POLR1C: variants seen among roughly 807,000 people sequenced by gnomAD.
POLR1C encodes the protein DNA-directed RNA polymerases I and III subunit RPAC1.
Under a neutral mutation model 38.3 loss-of-function variants are expected in POLR1C, and 42 were observed. The observed-to-expected ratio is 1.10, with a 90% confidence interval of 0.86 to 1.42. The LOEUF is 1.42. Among genes scored for constraint, POLR1C ranks in the 40% most tolerant of loss-of-function variants. The pLI is 0.00. For synonymous variants in POLR1C, 163 were observed against 163.9 expected, an observed-to-expected ratio of 0.99 and a Z score of 0.04; for missense variants, 507 against 450.5, an observed-to-expected ratio of 1.13 and a Z score of -1.14.
intron 9 of POLR1C, among the ~76,000 whole-genome samples, chr6:43,546,086 G>A (rs1794951658): frequency 6.6e-6 from 1 of 152,116 alleles, no homozygotes; most frequent in Non-Finnish European, 1.5e-5. Context: ...AAACTCAGAT[G>A]AAAAATTTAT....
downstream of POLR1C, chr6:43,523,757 G>A: frequency 6.4e-7 from 1 of 1,554,306 alleles, no homozygotes; most frequent in Admixed American, 1.7e-5. Context: ...CTCTTTCCAG[G>A]CTGACAGTGG....
Position 43,520,394 on chromosome 6 carries a change from A to G in POLR1C, c.622A>G (p.Ile208Val), listed in dbSNP as rs753503571. The change falls in exon 6 of 9, where the codon ATT becomes GTT. Residue 208 changes from isoleucine (I) to valine (V), a missense_variant. Coordinates refer to ENST00000642195, the MANE Select transcript of POLR1C (RefSeq NM_203290.4). Reference sequence around the variant, plus strand: ...CGCTCAGCTGCGGCCTGGCCAAGAAATTGACCTGCTCATGCACTGTGTCAA... The same window carrying G: ...CGCTCAGCTGCGGCCTGGCCAAGAAGTTGACCTGCTCATGCACTGTGTCAA... ...LIAQLRPGQEIDLLMHCVKGI... is the reference protein window; with the variant it reads ...LIAQLRPGQEVDLLMHCVKGI... 3.7e-6 allele frequency: 6 copies of G among 1,613,868 alleles called. No homozygotes were observed. The South Asian group carries it at 6.6e-5, about 18-fold the overall frequency.
chr6:43,549,324 A>T (rs1400299564), intron 9 of POLR1C, among the ~76,000 whole-genome samples: 1 of 152,190 alleles, frequency 6.6e-6, no homozygotes, highest in African/African-American at 2.4e-5. Flanking sequence ...TCAGTCTCCC[A>T]AAGTGTTGGG....
intron 9 of POLR1C, chr6:43,547,675 T>G (rs377740264): frequency 1.9e-5 from 31 of 1,613,864 alleles, no homozygotes; most frequent in Non-Finnish European, 2.5e-5. Context: ...TGTACCCACA[T>G]ACGCAATGAA....
intron 10 of POLR1C, among the ~76,000 whole-genome samples, chr6:43,557,768 G>C (rs1465647350): frequency 9.4e-6 from 1 of 106,164 alleles, no homozygotes; most frequent in Non-Finnish European, 1.8e-5. Context: ...AATGAATTTT[G>C]TCTCAATAAA....
At chr6:43,526,152 A>G, downstream of POLR1C, 1 of 524,004 alleles carries the variant, frequency 1.9e-6, no homozygotes, top group Non-Finnish European at 3.4e-6. Flanking sequence ...GCAGAAACAC[A>G]AAATGCTGCA....
chr6:43,533,055 A>T (rs1291172180), downstream of POLR1C, among the ~76,000 whole-genome samples: 1 of 152,138 alleles, frequency 6.6e-6, no homozygotes, highest in Non-Finnish European at 1.5e-5. Context: ...GAATCACTTG[A>T]ACCTGGAAGG....
intron 10 of POLR1C, chr6:43,555,985 G>A (rs1335683531): frequency 1.2e-6 from 2 of 1,612,710 alleles, no homozygotes; most frequent in Admixed American, 1.7e-5. Flanking sequence ...AAAATGCCAA[G>A]GGAAGGACAG....
intron 10 of POLR1C, chr6:43,553,290 A>C: frequency 6.8e-7 from 1 of 1,481,364 alleles, no homozygotes. Context: ...CAACAGAGAG[A>C]TATAGCGTCC....
chr6:43,553,775 AAC>A (rs1217843337), intron 10 of POLR1C: 2 of 375,434 alleles, frequency 5.3e-6, no homozygotes, highest in Non-Finnish European at 8.3e-6. Context: ...CTTGTAGTAA[AAC>A]CATTTTGAGT....
chr6:43,521,432 T>G lies in POLR1C; in HGVS notation c.*132T>G, dbSNP rs1793183672. On this transcript the variant is annotated 3_prime_UTR_variant, in exon 9 of 9. Coordinates refer to ENST00000642195, the MANE Select transcript of POLR1C (RefSeq NM_203290.4). ...GACAATTCCAGCTTTAATCAATACA[T>G]TTTGTTAAATGTGCCATAAAATGAG... The G allele has an allele frequency of 1.7e-5, 26 of 1,553,790 alleles. No homozygotes were observed. Among genetic ancestry groups the G allele is most frequent in the Non-Finnish European group, 2.3e-5 (26 of 1,151,738 alleles).
chr6:43,527,768 C>T, intron 8 of POLR1C: 1 of 1,606,030 alleles, frequency 6.2e-7, no homozygotes, highest in Non-Finnish European at 8.5e-7. Context: ...CACAGGAGTG[C>T]AGAAAAGGAA....
At chr6:43,560,732 T>C (rs1458475716) in intron 10 of POLR1C, among the ~76,000 whole-genome samples, 2 of 152,226 alleles carry the variant, frequency 1.3e-5, no homozygotes, top group African/African-American at 2.4e-5. Flanking sequence ...GAAAAGCTGC[T>C]GACCTAGACA....
intron 9 of POLR1C, chr6:43,538,996 G>A (rs533526138): frequency 6.8e-5 from 102 of 1,510,878 alleles, no homozygotes; most frequent in Non-Finnish European, 8.0e-5. Flanking sequence ...TGGCCTTGGC[G>A]AAGTTGCCCA....
rs780557318 is a variant in POLR1C at position 43,519,285 on chromosome 6, T to C, written c.142-48T>C. 20 of 1,154,116 alleles carry C rather than the reference T, an allele frequency of 1.7e-5. No individual in the cohort carries two copies. In the Admixed American group the frequency reaches 1.7e-4, roughly 10 times the overall value. The allele number at this position is 1,154,116 out of a possible 1,614,324, so 71.5% of individuals were successfully genotyped here. On this transcript the variant is annotated intron_variant, in intron 2 of 8. Transcript: ENST00000642195. ...TCTAAGGGGGAGGTATGAAGAGATA[T>C]TACACAGAGAGCAGATTTCACTTAA... is the stretch of plus-strand genomic sequence containing the variant.
At position 43,520,722 on chromosome 6, in the gene POLR1C, G is replaced by A; in HGVS notation, c.753G>A (p.Glu251=). 1 of 1,614,164 alleles carries A rather than the reference G, an allele frequency of 6.2e-7. No individual in the cohort carries two copies. The highest frequency in any genetic ancestry group is 8.5e-7 in the Non-Finnish European group (1 of 1,180,012). ...LLEPVEGEAA[E]ELSRCFSPGV... is the part of the protein sequence containing the mutation. ...AGCCCGTGGAAGGGGAGGCAGCTGA[G>A]GAGTTGAGCAGGTGCTTCTCACCTG... The change falls in exon 7 of 9, where the codon GAG becomes GAA. Residue 251 remains glutamate, a synonymous_variant. Coordinates refer to ENST00000642195, the MANE Select transcript of POLR1C (RefSeq NM_203290.4).
At position 43,520,611 on chromosome 6, in the gene POLR1C, C is replaced by T. The variant is rs748187791; in HGVS notation, c.656-14C>T. On this transcript the variant is annotated splice_polypyrimidine_tract_variant and intron_variant, in intron 6 of 8. Coordinates refer to ENST00000642195, the MANE Select transcript of POLR1C (RefSeq NM_203290.4). ...GAAGGGTTTCCTATAGGCACGTTCC[C>T]TCTTCCTCTCCAGGCAAAGATCATG... 1.2e-6 allele frequency: 2 copies of T among 1,614,060 alleles called. No individual in the cohort carries two copies. Among genetic ancestry groups the T allele is most frequent in the Admixed American group, 1.7e-5 (1 of 60,008 alleles).
chr6:43,523,313 A>C (rs1236646068), downstream of POLR1C: 3 of 232,758 alleles, frequency 1.3e-5, no homozygotes, highest in African/African-American at 2.3e-5. Context: ...CCCAAAGCAA[A>C]GTTGAGAGAA....
rs1250911253 is a variant in POLR1C at position 43,560,959 on chromosome 6, C to T, written c.*49-441C>T. 3 of 1,613,900 alleles carry T rather than the reference C, an allele frequency of 1.9e-6. No individual in the cohort carries two copies. The South Asian group carries it at 3.3e-5, about 18-fold the overall frequency. On this transcript the variant is annotated intron_variant, in intron 10 of 10. Transcript: ENST00000607635. ...TGGGTTGTGAAAGCAAGAAAAGATT[C>T]CAGGTATTTTCCAAAGTTTGATGGT...
Sources: allele counts gnomAD v4.1 joint callset (sites outside exome capture counted in the v4.1 genomes callset), GRCh38; gene constraint gnomAD v4.1.1; transcripts MANE v1.5; gene names NCBI Gene and HGNC (gene_info 2026-07-23, HGNC 2026-07-21).